Variants in NTM observed in about 807,000 individuals in gnomAD.
NTM encodes neurotrimin.
In NTM, 13 loss-of-function variants were observed where a neutral mutation model predicts 42.1. The ratio of observed to expected loss-of-function variants is 0.31; its 90% CI spans 0.20 to 0.49. The LOEUF (loss-of-function observed/expected upper bound fraction) is 0.49, where lower values mean the gene tolerates loss of function less well. NTM is among the 20% of genes least tolerant of loss of function. The pLI is 0.99. For missense variants in NTM, 373 were observed against 452.8 expected (o/e 0.82, Z 1.60); for synonymous variants, 187 against 179.2 (o/e 1.04, Z -0.35).
chr11:131,723,453 A>C (rs2078603761), intron 1 of NTM, among the ~76,000 whole-genome samples: 1 of 152,260 alleles, frequency 6.6e-6, no homozygotes, highest in African/African-American at 2.4e-5. Context: ...GGTTTATGTT[A>C]AACACGTAGC....
intron 1 of NTM, among the ~76,000 whole-genome samples, chr11:131,790,178 G>C: frequency 6.6e-6 from 1 of 152,040 alleles, no homozygotes; most frequent in Admixed American, 6.6e-5. Context: ...ATTTCATATG[G>C]AGAAAAAGAT....
chr11:131,622,150 T>A (rs886355415), intron 1 of NTM, among the ~76,000 whole-genome samples: 1 of 151,944 alleles, frequency 6.6e-6, no homozygotes, highest in African/African-American at 2.4e-5. Flanking sequence ...AACTATTCCA[T>A]GGGGAAAATG....
intron 1 of NTM, among the ~76,000 whole-genome samples, chr11:131,438,988 TTGA>T (rs1949377093): frequency 6.6e-6 from 1 of 152,248 alleles, no homozygotes; most frequent in African/African-American, 2.4e-5. Context: ...GTCCTTTTTG[TTGA>T]TGCTGATGCT....
chr11:131,754,121 G>A (rs1463919704), intron 1 of NTM, among the ~76,000 whole-genome samples: 20 of 129,304 alleles, frequency 1.5e-4, no homozygotes, highest in African/African-American at 3.2e-4. Context: ...ATCACACACC[G>A]GGGCCTGTTG....
At chr11:132,204,330 C>A (rs1397239906) in intron 3 of NTM, among the ~76,000 whole-genome samples, 1 of 152,184 alleles carries the variant, frequency 6.6e-6, no homozygotes, top group Non-Finnish European at 1.5e-5. Flanking sequence ...TGCATACAGC[C>A]TTGAGAGAAT....
intron 5 of NTM, 33 bp from the exon 6 acceptor site, chr11:132,310,079 G>A (rs968944401): frequency 1.9e-6 from 3 of 1,549,528 alleles, no homozygotes; most frequent in Non-Finnish European, 2.6e-6. Context: ...AAAAAAGGTG[G>A]GGGGGCGGCT....
rs138199779 is a variant in NTM at position 131,731,702 on chromosome 11, C to T, written c.83-179862C>T. Among the ~76,000 whole-genome samples the T allele has an allele frequency of 1.9e-3, 295 of 152,260 alleles. 4 individuals carry two copies. The highest frequency in any genetic ancestry group is 0.017 in the Middle Eastern group (5 of 294). On this transcript the variant is annotated intron_variant, in intron 1 of 8. Coordinates refer to ENST00000683400, the MANE Select transcript of NTM (RefSeq NM_001352005.2). ...GGCCTGAACATTGGCTGCAAAGCTT[C>T]CTCACAGAAGTTCAACTATAGTGGG...
chr11:131,721,996 C>CAAAAAAAA (rs71475771), intron 1 of NTM, among the ~76,000 whole-genome samples: 1 of 10,286 alleles, frequency 9.7e-5, no homozygotes, highest in African/African-American at 2.9e-4. Flanking sequence ...AACTCTGTCT[C>CAAAAAAAA]AAAAAAAAAA....
intron 1 of NTM, among the ~76,000 whole-genome samples, chr11:131,815,215 C>T (rs553298371): frequency 6.6e-6 from 1 of 152,268 alleles, no homozygotes; most frequent in South Asian, 2.1e-4. Flanking sequence ...CCCGCCTTCT[C>T]CCACCTCACC....
chr11:131,605,999 G>A lies in NTM; in HGVS notation c.82+235111G>A, dbSNP rs998234414. ...TCTTTCTCTGCCTCTCTGCTCCCAA[G>A]GACAGTGAGGGACCAAGTTTGTCCA... On this transcript the variant is annotated intron_variant, in intron 1 of 8. Coordinates refer to ENST00000683400, the MANE Select transcript of NTM (RefSeq NM_001352005.2). 8 of 516,360 alleles carry A rather than the reference G, an allele frequency of 1.5e-5. No homozygotes were observed. In the East Asian group the frequency reaches 1.1e-3, roughly 68 times the overall value. 32.0% of individuals were successfully genotyped at this position (516,360 alleles called of 1,614,324 possible).
chr11:131,941,312 G>A (rs1367115336), intron 2 of NTM, among the ~76,000 whole-genome samples: 1 of 152,160 alleles, frequency 6.6e-6, no homozygotes, highest in African/African-American at 2.4e-5. Context: ...CTGGGCTTCT[G>A]TTCCCTTCTC....
At position 131,444,935 on chromosome 11, in the gene NTM, C is replaced by G. The variant is rs191812248; in HGVS notation, c.82+74047C>G. On this transcript the variant is annotated intron_variant, in intron 1 of 8. Transcript: ENST00000683400. ...TTCTCATAAAATCAGGAAAGGGGTA[C>G]GTATCAAATCAGTGCTTCTCAAACT... 3.9e-5 allele frequency among the ~76,000 whole-genome samples: 6 copies of G among 152,040 alleles called. No homozygotes were observed. The East Asian group carries it at 1.2e-3, about 29-fold the overall frequency.
intron 3 of NTM, among the ~76,000 whole-genome samples, chr11:132,190,945 T>TG (rs2079213219): frequency 9.0e-6 from 1 of 110,676 alleles, no homozygotes; most frequent in South Asian, 3.1e-4. Context: ...ATATTATTTG[T>TG]TTTTTTTTGT....
intron 3 of NTM, among the ~76,000 whole-genome samples, chr11:132,176,409 G>T (rs371786342): frequency 1.3e-5 from 2 of 151,426 alleles, no homozygotes; most frequent in African/African-American, 2.4e-5. Context: ...CATCTCAATA[G>T]CAGATGAAGT....
intron 1 of NTM, among the ~76,000 whole-genome samples, chr11:131,838,153 G>A (rs1366429549): frequency 6.6e-6 from 1 of 152,042 alleles, no homozygotes; most frequent in Non-Finnish European, 1.5e-5. Flanking sequence ...GTAAAAACCG[G>A]AAGGACGACT....
At chr11:131,795,104 T>C (rs2091411359) in intron 1 of NTM, 1 of 556,704 alleles carries the variant, frequency 1.8e-6, no homozygotes, top group South Asian at 7.9e-5. Context: ...TTGTTTATTC[T>C]TTACTTTTTC....
intron 1 of NTM, among the ~76,000 whole-genome samples, chr11:131,377,397 A>G (rs1298140372): frequency 1.3e-5 from 2 of 152,156 alleles, no homozygotes; most frequent in Non-Finnish European, 2.9e-5. Flanking sequence ...TGACTTCTGC[A>G]CAGAACTGGA....
intron 1 of NTM, chr11:131,605,732 GTGTT>G (rs1324972921): frequency 2.1e-6 from 2 of 934,308 alleles, no homozygotes; most frequent in East Asian, 2.3e-4. Context: ...AGCTTGTTGA[GTGTT>G]TGTATCATTT....
At chr11:131,728,459 G>A (rs547262279) in intron 1 of NTM, among the ~76,000 whole-genome samples, 1 of 152,332 alleles carries the variant, frequency 6.6e-6, no homozygotes, top group Middle Eastern at 3.4e-3. Context: ...AGGGGAAGAG[G>A]CATGGAGATA....
Sources: gnomAD v4.1 joint callset for allele counts (sites outside exome capture counted in the v4.1 genomes callset) on GRCh38, gnomAD v4.1.1 for gene constraint, MANE v1.5 for transcripts, NCBI Gene and HGNC (gene_info 2026-07-23, HGNC 2026-07-21) for gene names.